CELF2: variants seen among roughly 807,000 people sequenced by gnomAD.
CELF2 encodes CUG triplet repeat RNA-binding protein 2.
In CELF2, 8 loss-of-function variants were observed where a neutral mutation model predicts 62.6. The observed-to-expected ratio is 0.13, with a 90% CI of 0.07 to 0.23. The LOEUF (loss-of-function observed/expected upper bound fraction) is 0.23. Among genes scored for constraint, CELF2 ranks in the 10% least tolerant of loss-of-function variants. CELF2 has a pLI of 1.00. For synonymous variants in CELF2, 258 were observed against 250.0 expected (o/e 1.03, Z -0.30); for missense variants, 333 against 671.0 (o/e 0.50, Z 5.56).
chr10:10,923,308 A>G (rs1477110584), intron 2 of CELF2, among the ~76,000 whole-genome samples: 2 of 152,156 alleles, frequency 1.3e-5, no homozygotes, highest in Non-Finnish European at 2.9e-5. Context: ...GGCATTTGAG[A>G]ACAGTTTTAT....
At position 11,321,337 on chromosome 10, in the gene CELF2, C is replaced by T; in HGVS notation, c.1245C>T (p.Tyr415=). 6.2e-7 allele frequency: 1 copy of T among 1,611,606 alleles called. No homozygotes were observed. Among genetic ancestry groups the T allele is most frequent in the Non-Finnish European group, 8.5e-7 (1 of 1,180,010 alleles). ...CAGCCGCCGCGCTGCCCACTCTGTACAGCCAGAGCCTGCTGCAGCAGCAGA... is the reference window on the plus strand; with the variant it reads ...CAGCCGCCGCGCTGCCCACTCTGTATAGCCAGAGCCTGCTGCAGCAGCAGA... ...QYAAAALPTL[Y]SQSLLQQQSA... is the part of the protein sequence containing the mutation. The change falls in exon 11 of 13, where the codon TAC becomes TAT. Residue 415 remains tyrosine (Y), a synonymous_variant. Coordinates refer to ENST00000633077, the MANE Select transcript of CELF2 (RefSeq NM_001326342.2). This position sits in a 1 kb window ranked among gnomAD's most constrained non-coding sequence, Gnocchi z 6.2.
At chr10:10,495,303 C>T in the CELF2 span, among the ~76,000 whole-genome samples, 1 of 152,042 alleles carries the variant, frequency 6.6e-6, no homozygotes, top group African/African-American at 2.4e-5. Flanking sequence ...TCTTTGTAAA[C>T]AAGAACATCA....
At chr10:11,076,388 ACGTAGG>A (rs1288213859) in intron 1 of CELF2, among the ~76,000 whole-genome samples, 1 of 152,200 alleles carries the variant, frequency 6.6e-6, no homozygotes, top group Non-Finnish European at 1.5e-5. Flanking sequence ...CATTGCAAGG[ACGTAGG>A]CTTGATTTGT....
chr10:11,104,111 C>T (rs780810965), intron 1 of CELF2, among the ~76,000 whole-genome samples: 2 of 152,124 alleles, frequency 1.3e-5, no homozygotes, highest in African/African-American at 4.8e-5. Flanking sequence ...ACTGCTGTTC[C>T]TATTAAACCA....
chr10:10,790,491 A>G, the CELF2 span, among the ~76,000 whole-genome samples: 1 of 152,312 alleles, frequency 6.6e-6, no homozygotes, highest in Non-Finnish European at 1.5e-5. Flanking sequence ...GATAGAGTAT[A>G]ATACATGATA....
chr10:11,078,801 C>A (rs1660947044), intron 1 of CELF2, among the ~76,000 whole-genome samples: 1 of 152,170 alleles, frequency 6.6e-6, no homozygotes, highest in African/African-American at 2.4e-5. Context: ...AGACTCTAAA[C>A]CTTTGGCTGT....
chr10:10,465,105 G>T, the CELF2 span, among the ~76,000 whole-genome samples: 5 of 152,016 alleles, frequency 3.3e-5, no homozygotes, highest in Non-Finnish European at 4.4e-5. Flanking sequence ...CAGACATATG[G>T]ACAAAAATAT....
At chr10:10,622,823 G>A in the CELF2 span, among the ~76,000 whole-genome samples, 3 of 152,004 alleles carry the variant, frequency 2.0e-5, no homozygotes, top group African/African-American at 7.3e-5. Flanking sequence ...GCCGGGCGCG[G>A]TGGCTTATGC....
At chr10:10,704,626 C>G in the CELF2 span, among the ~76,000 whole-genome samples, 4 of 152,078 alleles carry the variant, frequency 2.6e-5, no homozygotes, top group Non-Finnish European at 5.9e-5. Context: ...GGAGTGGAGT[C>G]TCCCGTTTCT....
chr10:10,506,353 T>C, the CELF2 span, among the ~76,000 whole-genome samples: 2 of 151,886 alleles, frequency 1.3e-5, no homozygotes, highest in African/African-American at 4.8e-5. Context: ...TCCAACTCAT[T>C]CTGAATTTCT....
intron 1 of CELF2, among the ~76,000 whole-genome samples, chr10:11,152,896 G>A (rs990362107): frequency 7.2e-5 from 11 of 152,216 alleles, no homozygotes; most frequent in African/African-American, 2.4e-4. Flanking sequence ...CATCGAGGGA[G>A]GTGGTGGGCT....
rs938815009 is a variant in CELF2, at chr10:11,309,112, AC to A, written c.977-5026del. Among the ~76,000 whole-genome samples the A allele has an allele frequency of 1.3e-5, 2 of 152,154 alleles. No homozygotes were observed. Among genetic ancestry groups the A allele is most frequent in the African/African-American group, 4.8e-5 (2 of 41,428 alleles). Reference sequence around the variant, plus strand: ...TTCATGTCTTTGTCCACCAAGTCTAACATCTGGGCCCTCTTACGCACAGTTT... The same window carrying A: ...TTCATGTCTTTGTCCACCAAGTCTAAATCTGGGCCCTCTTACGCACAGTTT... On this transcript the variant is annotated intron_variant, in intron 9 of 12. Coordinates refer to ENST00000633077, the MANE Select transcript of CELF2 (RefSeq NM_001326342.2). The surrounding 1 kb of genome is among the most constrained non-coding windows in gnomAD (Gnocchi z 5.6).
chr10:10,518,947 A>G, the CELF2 span, among the ~76,000 whole-genome samples: 1 of 152,184 alleles, frequency 6.6e-6, no homozygotes, highest in African/African-American at 2.4e-5. Flanking sequence ...AGGACTTCAG[A>G]CCAAAAAGAA....
the CELF2 span, among the ~76,000 whole-genome samples, chr10:10,648,439 G>T: frequency 6.6e-6 from 1 of 152,178 alleles, no homozygotes; most frequent in Non-Finnish European, 1.5e-5. Flanking sequence ...TATCAAAAAT[G>T]CTCTTTCATG....
intron 2 of CELF2, among the ~76,000 whole-genome samples, chr10:11,203,943 A>G (rs547698183): frequency 8.5e-5 from 13 of 152,328 alleles, no homozygotes; most frequent in South Asian, 6.2e-4. Context: ...TTTAATATGA[A>G]TCTGAGCCTC....
intron 1 of CELF2, among the ~76,000 whole-genome samples, chr10:10,892,192 G>A (rs981470636): frequency 3.9e-5 from 6 of 152,110 alleles, no homozygotes; most frequent in African/African-American, 1.4e-4. Flanking sequence ...AGAAGCATAG[G>A]GGTAAGCATA....
At chr10:10,785,716 A>T in the CELF2 span, among the ~76,000 whole-genome samples, 1 of 152,292 alleles carries the variant, frequency 6.6e-6, no homozygotes, top group South Asian at 2.1e-4. Context: ...TGGTTACTAG[A>T]GCATGGGAGG....
rs544063015 is a variant in CELF2, at chr10:11,157,219, C to T, written c.75-8267C>T. Among the ~76,000 whole-genome samples, 3 of 152,288 alleles carry T rather than the reference C, an allele frequency of 2.0e-5. No homozygotes were observed. The highest frequency in any genetic ancestry group is 7.2e-5 in the African/African-American group (3 of 41,548). On this transcript the variant is annotated intron_variant, in intron 1 of 12. Transcript: ENST00000633077. This position sits in a 1 kb window ranked among gnomAD's most constrained non-coding sequence, Gnocchi z 4.9. The stretch of plus-strand genomic sequence containing the variant: ...TGCTGGTACTTCCGTGCCTCTCACA[C>T]ATGCATGGTTGTAGAGGAGCTGTGC...
At chr10:11,170,576 T>C (rs2068544986) in intron 2 of CELF2, among the ~76,000 whole-genome samples, 1 of 151,440 alleles carries the variant, frequency 6.6e-6, no homozygotes, top group Non-Finnish European at 1.5e-5. Flanking sequence ...GAAGGCATCG[T>C]AGAAGGCCAG....
Sources: gnomAD v4.1 joint callset for allele counts (sites outside exome capture counted in the v4.1 genomes callset) on GRCh38, gnomAD v4.1.1 for gene constraint, Gnocchi (gnomAD v3.1) non-coding constraint, MANE v1.5 for transcripts, NCBI Gene and HGNC (gene_info 2026-07-23, HGNC 2026-07-21) for gene names.